KCNMB2: variants seen among roughly 807,000 people sequenced by gnomAD.
KCNMB2 encodes the protein potassium calcium-activated channel subfamily M regulatory beta subunit 2.
Under a neutral mutation model 24.5 loss-of-function variants are expected in KCNMB2, and 9 were observed. That is an observed-to-expected ratio of 0.37 (90% CI 0.22 to 0.64). The LOEUF (loss-of-function observed/expected upper bound fraction) is 0.64, where lower values mean the gene tolerates loss of function less well. Among genes scored for constraint, KCNMB2 ranks in the 30% least tolerant of loss-of-function variants. The pLI is 0.63. For missense variants in KCNMB2, 226 were observed against 284.3 expected, an observed-to-expected ratio of 0.79 and a Z score of 1.47; for synonymous variants, 109 against 104.4, an observed-to-expected ratio of 1.04 and a Z score of -0.27.
At chr3:178,745,836 T>C (rs1401375846) in intron 1 of KCNMB2, among the ~76,000 whole-genome samples, 1 of 152,200 alleles carries the variant, frequency 6.6e-6, no homozygotes, top group African/African-American at 2.4e-5. Context: ...CTCCTTTGAC[T>C]CCATGTCTCA....
At chr3:178,827,557 T>C (rs1169804802) in intron 3 of KCNMB2, among the ~76,000 whole-genome samples, 1 of 152,226 alleles carries the variant, frequency 6.6e-6, no homozygotes, top group Non-Finnish European at 1.5e-5. Context: ...AAATTACCAA[T>C]TAGGGTGAAA....
chr3:178,764,083 T>C (rs998259856), intron 1 of KCNMB2, among the ~76,000 whole-genome samples: 2 of 152,218 alleles, frequency 1.3e-5, no homozygotes, highest in Admixed American at 1.3e-4. Flanking sequence ...CCCCCATTAT[T>C]TGATTCGTAG....
chr3:178,759,767 TCCAA>T (rs1711660723), intron 1 of KCNMB2, among the ~76,000 whole-genome samples: 1 of 50,812 alleles, frequency 2.0e-5, no homozygotes. Flanking sequence ...TATATATATA[TCCAA>T]GAGGATATAT....
intron 4 of KCNMB2, among the ~76,000 whole-genome samples, chr3:178,839,371 A>G (rs957420920): frequency 2.6e-5 from 4 of 152,174 alleles, no homozygotes; most frequent in Admixed American, 6.5e-5. Context: ...TCTAGATAAG[A>G]AAGAGGAGAA....
At chr3:178,816,959 T>C (rs1577210639) in intron 2 of KCNMB2, among the ~76,000 whole-genome samples, 1 of 152,140 alleles carries the variant, frequency 6.6e-6, no homozygotes, top group East Asian at 1.9e-4. Context: ...TAAAATTTAA[T>C]ATGCTAATTG....
At chr3:178,716,841 C>G (rs553625627) in intron 1 of KCNMB2, among the ~76,000 whole-genome samples, 209 of 152,192 alleles carry the variant, frequency 1.4e-3, no homozygotes, top group African/African-American at 4.7e-3. Flanking sequence ...GTCCCTGGAC[C>G]AAATTATATT....
chr3:178,840,791 C>T (rs1325508577), intron 4 of KCNMB2, among the ~76,000 whole-genome samples: 1 of 152,236 alleles, frequency 6.6e-6, no homozygotes, highest in Non-Finnish European at 1.5e-5. Flanking sequence ...TCCAATGCCT[C>T]CAGGCCTGTG....
intron 1 of KCNMB2, among the ~76,000 whole-genome samples, chr3:178,670,003 A>G (rs564418081): frequency 6.6e-6 from 1 of 152,100 alleles, no homozygotes; most frequent in Admixed American, 6.6e-5. Context: ...TCTTGACTAG[A>G]AAATACATAT....
At chr3:178,726,845 T>C (rs1401388554) in intron 1 of KCNMB2, among the ~76,000 whole-genome samples, 1 of 152,096 alleles carries the variant, frequency 6.6e-6, no homozygotes, top group Non-Finnish European at 1.5e-5. Flanking sequence ...AGCCTGTCAC[T>C]ATTTTTATTA....
chr3:178,655,070 T>C (rs1348211653), intron 1 of KCNMB2, among the ~76,000 whole-genome samples: 1 of 150,876 alleles, frequency 6.6e-6, no homozygotes, highest in Non-Finnish European at 1.5e-5. Flanking sequence ...ATGCTTAGTG[T>C]AAAGTTCAGT....
chr3:178,763,981 G>A (rs1357854116), intron 1 of KCNMB2, among the ~76,000 whole-genome samples: 2 of 152,110 alleles, frequency 1.3e-5, no homozygotes, highest in African/African-American at 4.8e-5. Flanking sequence ...TAAAATGCAA[G>A]CCATAATCAG....
At chr3:178,680,330 A>G (rs1721224496) in intron 1 of KCNMB2, among the ~76,000 whole-genome samples, 1 of 152,100 alleles carries the variant, frequency 6.6e-6, no homozygotes, top group South Asian at 2.1e-4. Context: ...GTCCGGCTAG[A>G]AGCACACTTT....
rs530148274 is a variant in KCNMB2 at position 178,723,219 on chromosome 3, G to A, written c.-67-84124G>A. Among the ~76,000 whole-genome samples, 243 of 152,028 alleles carry A rather than the reference G, an allele frequency of 1.6e-3. 2 individuals are homozygous for A. Among genetic ancestry groups the A allele is most frequent in the Non-Finnish European group, 2.4e-3 (161 of 67,974 alleles). ...GCTATTCTAATTCCTTTGCCTTTCC[G>A]TATAAAATATAGAATCAGATTGTGA... On this transcript the variant is annotated intron_variant, in intron 1 of 4. Coordinates refer to ENST00000452583, the MANE Select transcript of KCNMB2 (RefSeq NM_181361.3).
chr3:178,647,880 AT>A lies in KCNMB2; in HGVS notation c.-68+111173del, dbSNP rs575637430. 2.0e-5 allele frequency among the ~76,000 whole-genome samples: 3 copies of A among 152,314 alleles called. No individual in the cohort carries two copies. In the South Asian group the frequency reaches 6.2e-4, roughly 32 times the overall value. ...ACAATTCATGAAAAATAAAGGTCTCATTTTAAGTCAAATGATTACAGATGGT... is the reference window on the plus strand; with the variant it reads ...ACAATTCATGAAAAATAAAGGTCTCATTTAAGTCAAATGATTACAGATGGT... On this transcript the variant is annotated intron_variant, in intron 1 of 4. Transcript: ENST00000452583.
At chr3:178,793,803 C>A (rs1049742450) in intron 1 of KCNMB2, among the ~76,000 whole-genome samples, 14 of 152,086 alleles carry the variant, frequency 9.2e-5, no homozygotes. Flanking sequence ...AGATGACAGC[C>A]AAGGAGTCTG....
intron 1 of KCNMB2, among the ~76,000 whole-genome samples, chr3:178,626,142 T>A (rs1402536814): frequency 1.3e-5 from 2 of 152,204 alleles, no homozygotes; most frequent in African/African-American, 4.8e-5. Flanking sequence ...TAAATTTCTA[T>A]CGTTGGCATT....
At chr3:178,678,947 T>A (rs1448221381) in intron 1 of KCNMB2, among the ~76,000 whole-genome samples, 2 of 152,194 alleles carry the variant, frequency 1.3e-5, no homozygotes. Flanking sequence ...CAGCACTCTA[T>A]TCGTACCCTT....
At chr3:178,745,394 T>C (rs1473049635) in intron 1 of KCNMB2, among the ~76,000 whole-genome samples, 1 of 152,110 alleles carries the variant, frequency 6.6e-6, no homozygotes, top group Non-Finnish European at 1.5e-5. Context: ...GAGAACAGCA[T>C]GGGAAAGACC....
At chr3:178,835,694 GT>G (rs943180666) in intron 4 of KCNMB2, among the ~76,000 whole-genome samples, 26 of 143,202 alleles carry the variant, frequency 1.8e-4, no homozygotes, top group African/African-American at 6.6e-4. Context: ...CATGAGCAAT[GT>G]TTTTTTTTCC....
Sources: gnomAD v4.1 joint callset for allele counts (sites outside exome capture counted in the v4.1 genomes callset) on GRCh38, gnomAD v4.1.1 for gene constraint, MANE v1.5 for transcripts, NCBI Gene and HGNC (gene_info 2026-07-23, HGNC 2026-07-21) for gene names.